Variants in LCORL observed in about 807,000 individuals in gnomAD.
LCORL encodes ligand dependent nuclear receptor corepressor like.
LCORL carries 41 observed loss-of-function variants against 141.8 expected under a neutral mutation model. The ratio of observed to expected loss-of-function variants is 0.29; its 90% CI spans 0.23 to 0.38. The LOEUF (loss-of-function observed/expected upper bound fraction) is 0.38. Among genes scored for constraint, LCORL ranks in the 10% least tolerant of loss-of-function variants. LCORL has a pLI of 1.00. For synonymous variants in LCORL, 618 were observed against 694.1 expected (o/e 0.89, Z 1.72); for missense variants, 1,759 against 2,035.0 (o/e 0.86, Z 2.61).
chr4:17,871,358 C>G (rs1726316537), intron 7 of LCORL, among the ~76,000 whole-genome samples: 1 of 151,746 alleles, frequency 6.6e-6, no homozygotes, highest in South Asian at 2.1e-4. Context: ...AGATCAAAAA[C>G]AGCTCTTCAA....
chr4:17,862,646 G>A (rs908769917), intron 7 of LCORL, among the ~76,000 whole-genome samples: 2 of 152,172 alleles, frequency 1.3e-5, no homozygotes, highest in Non-Finnish European at 2.9e-5. Context: ...TTCAGTATAT[G>A]GTGCTGGGAT....
chr4:17,884,134 T>C lies in LCORL; in HGVS notation c.776+1934A>G. 6.4e-7 allele frequency: 1 copy of C among 1,550,454 alleles called. No homozygotes were observed. Among genetic ancestry groups the C allele is most frequent in the Non-Finnish European group, 8.7e-7 (1 of 1,146,126 alleles). ...TTGAGTGAGTTACAGGCCCAGAACA[T>C]TCTATTTTGTTCTGTTTAGGGAGTA... On this transcript the variant is annotated intron_variant, in intron 6 of 7. Coordinates refer to ENST00000635767, the Ensembl canonical transcript of LCORL. This position sits in a 1 kb window ranked among gnomAD's most constrained non-coding sequence, Gnocchi z 4.4.
At chr4:17,877,198 T>C (rs1024255111) in exon 7 of LCORL, 2 of 1,230,262 alleles carry the variant, frequency 1.6e-6, no homozygotes, top group Admixed American at 4.2e-5. Flanking sequence ...TGAATAATTT[T>C]ATTTTCTACC....
chr4:17,876,180 C>T, exon 7 of LCORL: 1 of 1,230,978 alleles, frequency 8.1e-7, no homozygotes, highest in Non-Finnish European at 1.0e-6. Context: ...ATTTTCAACA[C>T]TGGAAATCAA....
chr4:17,882,793 T>C (rs1727750047), intron 6 of LCORL: 1 of 984,774 alleles, frequency 1.0e-6, no homozygotes, highest in Non-Finnish European at 1.2e-6. Flanking sequence ...AGTCATAACA[T>C]CAACTAACCA....
chr4:17,966,814 G>A (rs900988648), intron 2 of LCORL, among the ~76,000 whole-genome samples: 1 of 152,158 alleles, frequency 6.6e-6, no homozygotes, highest in Non-Finnish European at 1.5e-5. Flanking sequence ...TGCAGCAACA[G>A]GAACTTTCAT....
intron 4 of LCORL, among the ~76,000 whole-genome samples, chr4:17,925,903 AAAG>A: frequency 7.1e-6 from 1 of 140,948 alleles, no homozygotes; most frequent in Admixed American, 7.2e-5. Context: ...AAAAAAAAAA[AAAG>A]AACATGTTCT....
At chr4:17,968,632 A>C (rs2109644329) in intron 2 of LCORL, among the ~76,000 whole-genome samples, 1 of 152,340 alleles carries the variant, frequency 6.6e-6, no homozygotes, top group African/African-American at 2.4e-5. Flanking sequence ...GCCAAATAGT[A>C]AATATTTCAG....
chr4:17,847,817 A>G (rs942973651), intron 7 of LCORL, among the ~76,000 whole-genome samples: 2 of 152,190 alleles, frequency 1.3e-5, no homozygotes, highest in Non-Finnish European at 2.9e-5. Flanking sequence ...TGTATTTTCA[A>G]AGCAAAAGTT....
At chr4:17,912,143 G>A (rs188813157) in intron 4 of LCORL, 15 of 990,962 alleles carry the variant, frequency 1.5e-5, no homozygotes, top group East Asian at 9.7e-5. Flanking sequence ...GACAATGCCC[G>A]CATTGTTCTG....
At chr4:17,964,827 C>T (rs1345048336) in intron 2 of LCORL, among the ~76,000 whole-genome samples, 3 of 150,358 alleles carry the variant, frequency 2.0e-5, no homozygotes, top group Non-Finnish European at 4.4e-5. Context: ...CTATGCCAAG[C>T]GTAACATAAT....
In LCORL at chr4:17,922,269, C is replaced by T. The variant is rs560876059; in HGVS notation, c.431-12924G>A. Among the ~76,000 whole-genome samples, 20 of 152,210 alleles carry T rather than the reference C, an allele frequency of 1.3e-4. No homozygotes were observed. In the East Asian group the frequency reaches 3.3e-3, roughly 25 times the overall value. The stretch of plus-strand genomic sequence containing the variant: ...GTTTTGGGGTTTCTGGAATTGGCTG[C>T]TTAATATGATTAGACCCAAAAATGT... On this transcript the variant is annotated intron_variant, in intron 4 of 7. Coordinates refer to ENST00000635767, the Ensembl canonical transcript of LCORL.
At chr4:17,918,776 A>G (rs1733851595) in intron 4 of LCORL, among the ~76,000 whole-genome samples, 1 of 152,200 alleles carries the variant, frequency 6.6e-6, no homozygotes, top group African/African-American at 2.4e-5. Flanking sequence ...GAAAGAAGAG[A>G]CAAAAGTAGA....
intron 7 of LCORL, among the ~76,000 whole-genome samples, chr4:17,852,556 G>A (rs1262539723): frequency 1.3e-5 from 2 of 152,138 alleles, no homozygotes; most frequent in Non-Finnish European, 1.5e-5. Flanking sequence ...GGGAGGAGAA[G>A]TGCTTATCAT....
At chr4:17,856,009 A>G (rs1351017749) in intron 7 of LCORL, among the ~76,000 whole-genome samples, 4 of 152,208 alleles carry the variant, frequency 2.6e-5, no homozygotes, top group Admixed American at 6.5e-5. Context: ...TTTCCTCAAG[A>G]TAACAGTTTT....
intron 1 of LCORL, among the ~76,000 whole-genome samples, chr4:18,009,687 C>T (rs1408679698): frequency 1.3e-5 from 2 of 152,098 alleles, no homozygotes; most frequent in Non-Finnish European, 2.9e-5. Flanking sequence ...CATCCCACCC[C>T]AAGTAGATGT....
chr4:17,872,317 AG>A (rs755104809), intron 7 of LCORL, among the ~76,000 whole-genome samples: 19 of 152,004 alleles, frequency 1.2e-4, no homozygotes, highest in Admixed American at 3.3e-4. Flanking sequence ...AGGTTTTAGC[AG>A]GGGTGTCTAA....
chr4:17,911,872 ATGGCCGGGGGTC>A, intron 4 of LCORL: 1 of 470,366 alleles, frequency 2.1e-6, no homozygotes, highest in Non-Finnish European at 4.1e-6. Flanking sequence ...GGCCGTGGGG[ATGGCCGGGGGTC>A]TGGCAGGAAA....
At chr4:17,969,888 G>C (rs1245407337) in intron 2 of LCORL, among the ~76,000 whole-genome samples, 2 of 152,092 alleles carry the variant, frequency 1.3e-5, no homozygotes, top group Admixed American at 6.6e-5. Context: ...TAAAACACTG[G>C]AATGGGTACA....
Sources: gnomAD v4.1 joint callset for allele counts (sites outside exome capture counted in the v4.1 genomes callset) on GRCh38, gnomAD v4.1.1 for gene constraint, Gnocchi (gnomAD v3.1) non-coding constraint, MANE v1.5 for transcripts, NCBI Gene and HGNC (gene_info 2026-07-23, HGNC 2026-07-21) for gene names.